The following ASB6 variants were observed in gnomAD, a reference collection of about 807,000 sequenced individuals.
The protein encoded by ASB6 is ankyrin repeat and SOCS box containing 6, also known as ankyrin repeat and SOCS box protein 6.
In ASB6, 24 loss-of-function variants were observed where a neutral mutation model predicts 28.6. That is an observed-to-expected ratio of 0.84 (90% confidence interval 0.61 to 1.18). The LOEUF (loss-of-function observed/expected upper bound fraction) is 1.18. Among genes scored for constraint, ASB6 ranks in the 50% most tolerant of loss-of-function variants. The pLI, the probability that ASB6 is intolerant of heterozygous loss-of-function variation, is 0.00. For missense variants in ASB6, 519 were observed against 559.8 expected (o/e 0.93, Z 0.74); for synonymous variants, 267 against 243.4 (o/e 1.10, Z -0.90).
rs970896382 is a variant in ASB6, at chr9:129,640,648, G to A, written c.188C>T (p.Pro63Leu). ...TELLERKAHS[P>L]FYQEGVSNAL... Reference sequence around the variant, plus strand: ...GTTGCTCACGCCTTCCTGGTAAAAGGGAGAGTGGGCTTTCCTCTCCAGCAG... The same window carrying A: ...GTTGCTCACGCCTTCCTGGTAAAAGAGAGAGTGGGCTTTCCTCTCCAGCAG... Residue 63 changes from proline (P) to leucine (L), a missense_variant, in exon 2 of 6, where the codon CCC becomes CTC. By Grantham distance (98) the Pro-to-Leu change is moderately conservative. Coordinates refer to ENST00000277458, the MANE Select transcript of ASB6 (RefSeq NM_017873.4). 3.7e-6 allele frequency: 6 copies of A among 1,614,150 alleles called. No homozygotes were observed. The highest frequency in any genetic ancestry group is 3.3e-4 in the Middle Eastern group (2 of 6,054).
At chr9:129,640,773 C>T in intron 1 of ASB6, 51 bp from the exon 2 acceptor site, 2 of 1,604,312 alleles carry the variant, frequency 1.2e-6, no homozygotes, top group Admixed American at 3.4e-5. Flanking sequence ...ACCGGGTGAC[C>T]GCGCAGCCTG....
In ASB6 at chr9:129,640,781, C is replaced by T. The variant is rs866170254; in HGVS notation, c.114-59G>A. 31 of 1,597,274 alleles carry T rather than the reference C, an allele frequency of 1.9e-5. No individual in the cohort carries two copies. The African/African-American group carries it at 3.4e-4, about 17-fold the overall frequency. Reference sequence around the variant, plus strand: ...CTGTGGGACCGGGTGACCGCGCAGCCTGTGGGTTGGTGGGCTTTAGTCCTG... The same window carrying T: ...CTGTGGGACCGGGTGACCGCGCAGCTTGTGGGTTGGTGGGCTTTAGTCCTG... On this transcript the variant is annotated intron_variant, in intron 1 of 5. Coordinates refer to ENST00000277458, the MANE Select transcript of ASB6 (RefSeq NM_017873.4).
At chr9:129,639,608 A>G in intron 2 of ASB6, 100 bp from the exon 3 acceptor site, 1 of 1,039,006 alleles carries the variant, frequency 9.6e-7, no homozygotes, top group Non-Finnish European at 1.4e-6. Context: ...TAAAGTGTCC[A>G]GAAGCACAGG....
chr9:129,637,955 CT>C lies in ASB6; in HGVS notation c.1100del (p.Gln367ArgfsTer28). 6.3e-7 allele frequency: 1 copy of C among 1,597,762 alleles called. No individual in the cohort carries two copies. Among genetic ancestry groups the C allele is most frequent in the Non-Finnish European group, 8.5e-7 (1 of 1,171,194 alleles). On this transcript the variant is annotated frameshift_variant, in exon 6 of 6. Coordinates refer to ENST00000277458, the MANE Select transcript of ASB6 (RefSeq NM_017873.4). LOFTEE classifies it high-confidence loss of function. The stretch of plus-strand genomic sequence containing the variant: ...TGAGGGGCGGGGGATAGCTCTCCAG[CT>C]GCCTCAAGGAGAAGTGGAGGGCCTG... ...KIQALHFSLR[Q>X]LESYPPPLKH...
chr9:129,639,083 C>A lies in ASB6; in HGVS notation c.511+119G>T, dbSNP rs547565013. 6.9e-5 allele frequency: 71 copies of A among 1,027,716 alleles called. No individual in the cohort carries two copies. The South Asian group carries it at 1.1e-3, about 15-fold the overall frequency. The allele number at this position is 1,027,716 out of a possible 1,614,324, so 63.7% of individuals were successfully genotyped here. On this transcript the variant is annotated intron_variant, in intron 4 of 5. Coordinates refer to ENST00000277458, the MANE Select transcript of ASB6 (RefSeq NM_017873.4). ...TCCCTGTGTGCCCAGCCATGCTGTG[C>A]CACCAGCCAGGGCCAGCATCCAGTC...
chr9:129,635,039 A>G lies in ASB6; in HGVS notation c.*2751T>C. ...CCTCTGAGCCACAGTTTCCTATTCTATGAATTGGGGTTTAGTAAATCTCTC... is the reference window on the plus strand; with the variant it reads ...CCTCTGAGCCACAGTTTCCTATTCTGTGAATTGGGGTTTAGTAAATCTCTC... On this transcript the variant is annotated 3_prime_UTR_variant, in exon 6 of 6. Transcript: ENST00000277458. 1.4e-6 allele frequency: 1 copy of G among 740,130 alleles called. No homozygotes were observed. The highest frequency in any genetic ancestry group is 2.6e-5 in the East Asian group (1 of 38,522). The allele number at this position is 740,130 out of a possible 1,614,324, so 45.8% of individuals were successfully genotyped here.
rs1210952061 is a variant in ASB6 at position 129,635,652 on chromosome 9, G to A, written c.*2138C>T. ...GGTGGGACCCGGCGGGGAGGGTGCT[G>A]CTGAACCAGCGGTGAGGCAGGAGCC... is the stretch of plus-strand genomic sequence containing the variant. On this transcript the variant is annotated 3_prime_UTR_variant, in exon 6 of 6. Transcript: ENST00000277458. The A allele has an allele frequency of 2.8e-6, 2 of 708,946 alleles. No individual in the cohort carries two copies. Among genetic ancestry groups the A allele is most frequent in the Non-Finnish European group, 4.7e-6 (2 of 427,542 alleles). The allele number at this position is 708,946 out of a possible 1,614,324, so 43.9% of individuals were successfully genotyped here. A position where few individuals can be genotyped will look rare whatever the true frequency, so the allele number is the denominator to read the frequency against.
Position 129,637,768 on chromosome 9 carries a change from C to G in ASB6, c.*22G>C, listed in dbSNP as rs768263683. 4.0e-6 allele frequency: 6 copies of G among 1,500,352 alleles called. No homozygotes were observed. In the East Asian group the frequency reaches 1.4e-4, roughly 35 times the overall value. 92.9% of individuals were successfully genotyped at this position (1,500,352 alleles called of 1,614,324 possible). A position where few individuals can be genotyped will look rare whatever the true frequency, so the allele number is the denominator to read the frequency against. On this transcript the variant is annotated 3_prime_UTR_variant, in exon 6 of 6. Transcript: ENST00000277458. The stretch of plus-strand genomic sequence containing the variant: ...GCTGACCTGAGCTGCCCGTGTCCCC[C>G]GTTCCTGTAGCCTGAGACCTATCAG...
rs771015223 is a variant in ASB6, at chr9:129,637,942, G to A, written c.1114C>T (p.Pro372Ser). The A allele has an allele frequency of 1.3e-6, 2 of 1,595,692 alleles. No homozygotes were observed. The highest frequency in any genetic ancestry group is 1.7e-5 in the Admixed American group (1 of 58,476). Residue 372 changes from proline to serine, a missense_variant, in exon 6 of 6, where the codon CCC becomes TCC. Pro to Ser is a moderately conservative substitution (Grantham distance 74, BLOSUM62 -1). Coordinates refer to ENST00000277458, the MANE Select transcript of ASB6 (RefSeq NM_017873.4). Reference sequence around the variant, plus strand: ...CGGCACAGGTGCTTGAGGGGCGGGGGATAGCTCTCCAGCTGCCTCAAGGAG... The same window carrying A: ...CGGCACAGGTGCTTGAGGGGCGGGGAATAGCTCTCCAGCTGCCTCAAGGAG... ...HFSLRQLESY[P>S]PPLKHLCRVA...
rs1831452450 is a variant in ASB6, at chr9:129,635,085, C to G, written c.*2705G>C. 1 of 1,126,186 alleles carries G rather than the reference C, an allele frequency of 8.9e-7. No homozygotes were observed. The highest frequency in any genetic ancestry group is 2.1e-5 in the Admixed American group (1 of 46,642). The allele number at this position is 1,126,186 out of a possible 1,614,324, so 69.8% of individuals were successfully genotyped here. A position where few individuals can be genotyped will look rare whatever the true frequency, so the allele number is the denominator to read the frequency against. On this transcript the variant is annotated 3_prime_UTR_variant, in exon 6 of 6. Transcript: ENST00000277458. ...CTCTCGGGACTGAGAGCCAATGAGG[C>G]CATGTGTGCACACAAAATGCTGGGC... is the stretch of plus-strand genomic sequence containing the variant.
At chr9:129,640,344 G>A (rs908096660) in intron 2 of ASB6, 197 bp downstream of exon 2, 8 of 630,868 alleles carry the variant, frequency 1.3e-5, no homozygotes, top group African/African-American at 1.9e-5. Context: ...TGGAACAGAG[G>A]TGGGAAGAGC....
At position 129,635,867 on chromosome 9, in the gene ASB6, G is replaced by C. The variant is rs1831523241; in HGVS notation, c.*1923C>G. On this transcript the variant is annotated 3_prime_UTR_variant, in exon 6 of 6. Transcript: ENST00000277458. ...CCAACTTGGTTGCTGGGGACTTGAA[G>C]ACTTCAGTGTGATCTTTACCTAGGG... The C allele has an allele frequency of 4.5e-6, 1 of 220,834 alleles. No homozygotes were observed. Among genetic ancestry groups the C allele is most frequent in the South Asian group, 6.4e-5 (1 of 15,526 alleles). The allele number at this position is 220,834 out of a possible 1,614,324, so 13.7% of individuals were successfully genotyped here.
chr9:129,637,570 T>G lies in ASB6; in HGVS notation c.*220A>C. 1 of 408,258 alleles carries G rather than the reference T, an allele frequency of 2.4e-6. No individual in the cohort carries two copies. Among genetic ancestry groups the G allele is most frequent in the Non-Finnish European group, 4.3e-6 (1 of 233,008 alleles). The allele number at this position is 408,258 out of a possible 1,614,324, so 25.3% of individuals were successfully genotyped here. A position where few individuals can be genotyped will look rare whatever the true frequency, so the allele number is the denominator to read the frequency against. On this transcript the variant is annotated 3_prime_UTR_variant, in exon 6 of 6. Coordinates refer to ENST00000277458, the MANE Select transcript of ASB6 (RefSeq NM_017873.4). Reference sequence around the variant, plus strand: ...TTTCCAACATGGGGGGGACTTGGAGTGCCGCTGGAGGGAAGGGGGCAGTCT... The same window carrying G: ...TTTCCAACATGGGGGGGACTTGGAGGGCCGCTGGAGGGAAGGGGGCAGTCT...
Position 129,635,568 on chromosome 9 carries a change from AC to A in ASB6, c.*2221del. 7.5e-7 allele frequency: 1 copy of A among 1,334,868 alleles called. No individual in the cohort carries two copies. The highest frequency in any genetic ancestry group is 1.0e-6 in the Non-Finnish European group (1 of 972,450). 82.7% of individuals were successfully genotyped at this position (1,334,868 alleles called of 1,614,324 possible). ...GCTGGCGGTTCGTGAGTGTCGAGGC[AC>A]CACTAAATATAGCTGTCTGCCGTCC... On this transcript the variant is annotated 3_prime_UTR_variant, in exon 6 of 6. Coordinates refer to ENST00000277458, the MANE Select transcript of ASB6 (RefSeq NM_017873.4).
chr9:129,635,567 C>G lies in ASB6; in HGVS notation c.*2223G>C. On this transcript the variant is annotated 3_prime_UTR_variant, in exon 6 of 6. Transcript: ENST00000277458. ...CGCTGGCGGTTCGTGAGTGTCGAGG[C>G]ACCACTAAATATAGCTGTCTGCCGT... is the stretch of plus-strand genomic sequence containing the variant. 8 of 1,361,016 alleles carry G rather than the reference C, an allele frequency of 5.9e-6. No homozygotes were observed. The highest frequency in any genetic ancestry group is 8.0e-6 in the Non-Finnish European group (8 of 994,428). The allele number at this position is 1,361,016 out of a possible 1,614,324, so 84.3% of individuals were successfully genotyped here.
intron 1 of ASB6, 137 bp downstream of exon 1, chr9:129,641,750 A>C: frequency 1.0e-6 from 1 of 955,126 alleles, no homozygotes; most frequent in Non-Finnish European, 1.4e-6. Context: ...GCGCACTCCG[A>C]GCCACGCAAC....
At position 129,635,730 on chromosome 9, in the gene ASB6, C is replaced by T. The variant is rs535496886; in HGVS notation, c.*2060G>A. On this transcript the variant is annotated 3_prime_UTR_variant, in exon 6 of 6. Coordinates refer to ENST00000277458, the MANE Select transcript of ASB6 (RefSeq NM_017873.4). ...TTGGGTGGAAGGGGCTCCAGGGCTC[C>T]TGGTGCTCCCCATGTGGGAATAGGG... The T allele has an allele frequency of 5.3e-4, 227 of 432,106 alleles. No individual in the cohort carries two copies. The highest frequency in any genetic ancestry group is 8.2e-4 in the Non-Finnish European group (196 of 239,626). The allele number at this position is 432,106 out of a possible 1,614,324, so 26.8% of individuals were successfully genotyped here. A position where few individuals can be genotyped will look rare whatever the true frequency, so the allele number is the denominator to read the frequency against.
At position 129,635,338 on chromosome 9, in the gene ASB6, CGT is replaced by C. The variant is rs1564351350; in HGVS notation, c.*2450_*2451del. 2 of 1,613,830 alleles carry C rather than the reference CGT, an allele frequency of 1.2e-6. No individual in the cohort carries two copies. Among genetic ancestry groups the C allele is most frequent in the Admixed American group, 3.3e-5 (2 of 60,030 alleles). On this transcript the variant is annotated 3_prime_UTR_variant, in exon 6 of 6. Coordinates refer to ENST00000277458, the MANE Select transcript of ASB6 (RefSeq NM_017873.4). ...TGATTCTGGACGACGTGGACAGCAGCGTGTGCCGGGACCTTGACGTGGTCCGC... is the reference window on the plus strand; with the variant it reads ...TGATTCTGGACGACGTGGACAGCAGCGTGCCGGGACCTTGACGTGGTCCGC...
At chr9:129,640,215 C>T (rs1202528369) in intron 2 of ASB6, among the ~76,000 whole-genome samples, 1 of 152,156 alleles carries the variant, frequency 6.6e-6, no homozygotes, top group African/African-American at 2.4e-5. Flanking sequence ...ATTACCTTCC[C>T]TTAGCTCTGG....
Sources: allele counts gnomAD v4.1 joint callset (sites outside exome capture counted in the v4.1 genomes callset), GRCh38; gene constraint gnomAD v4.1.1; transcripts MANE v1.5; gene names NCBI Gene and HGNC (gene_info 2026-07-23, HGNC 2026-07-21).